MYG1: variants seen among roughly 807,000 people sequenced by gnomAD.
The protein encoded by MYG1 is MYG1 exonuclease.
MYG1 carries 36 observed loss-of-function variants against 43.5 expected under a neutral mutation model. The observed-to-expected ratio is 0.83, with a 90% confidence interval of 0.63 to 1.09. The LOEUF (loss-of-function observed/expected upper bound fraction) is 1.09, where lower values mean the gene tolerates loss of function less well. Ranked by LOEUF, MYG1 falls within the 50% of genes least tolerant of loss-of-function variation. The probability of loss-of-function intolerance (pLI) is 0.00; values close to 1 mark genes in which losing one functional copy is unlikely to be tolerated. For missense variants in MYG1, 529 were observed against 495.1 expected, an observed-to-expected ratio of 1.07 and a Z score of -0.65; for synonymous variants, 220 against 202.8, an observed-to-expected ratio of 1.08 and a Z score of -0.72.
At position 53,307,164 on chromosome 12, in the gene MYG1, C is replaced by T; in HGVS notation, c.*15C>T. On this transcript the variant is annotated 3_prime_UTR_variant, in exon 7 of 7. Coordinates refer to ENST00000267103, the MANE Select transcript of MYG1 (RefSeq NM_021640.4). ...AAATCTCCTAGTCTAATAAAACCTT[C>T]CATCTCATACTGACCCAGTCCTTGA... 3 of 1,592,996 alleles carry T rather than the reference C, an allele frequency of 1.9e-6. No individual in the cohort carries two copies. The highest frequency in any genetic ancestry group is 2.6e-6 in the Non-Finnish European group (3 of 1,169,232).
chr12:53,299,821 A>G lies in MYG1; in HGVS notation c.84A>G (p.Pro28=). The G allele has an allele frequency of 6.2e-7, 1 of 1,614,164 alleles. No individual in the cohort carries two copies. ...PLYTRHRMLG[P]ESVPPPKRSR... is the part of the protein sequence containing the mutation. ...ATACCCGGCACCGCATGCTCGGTCC[A>G]GAGTCCGTCCCGCCCCCAAAACGAT... The change falls in exon 1 of 7, where the codon CCA becomes CCG. Residue 28 remains proline, a synonymous_variant. Transcript: ENST00000267103.
chr12:53,305,824 T>C, intron 3 of MYG1, 84 bp from the exon 4 acceptor site: 2 of 1,473,642 alleles, frequency 1.4e-6, no homozygotes, highest in Non-Finnish European at 9.1e-7. Context: ...GCTGAAAGAG[T>C]GTGTATGAAC....
rs536692846 is a variant in MYG1 at position 53,303,294 on chromosome 12, T to C, written c.489+101T>C. ...TCAGCACTGGGCCTCGGGTCAGGGT[T>C]CCTGGCCTATAGCAGGCCCAACACT... On this transcript the variant is annotated intron_variant, in intron 3 of 6. Transcript: ENST00000267103. 3.7e-6 allele frequency: 5 copies of C among 1,346,684 alleles called. No homozygotes were observed. In the East Asian group the frequency reaches 1.2e-4, roughly 34 times the overall value. 83.4% of individuals were successfully genotyped at this position (1,346,684 alleles called of 1,614,324 possible).
At chr12:53,305,712 A>C in intron 3 of MYG1, 196 bp from the exon 4 acceptor site, 2 of 612,224 alleles carry the variant, frequency 3.3e-6, no homozygotes, top group Non-Finnish European at 2.7e-6. Context: ...AGGTGATCTG[A>C]ATTCCAGTCA....
chr12:53,300,818 C>T (rs1944223948), intron 2 of MYG1, among the ~76,000 whole-genome samples: 1 of 152,204 alleles, frequency 6.6e-6, no homozygotes, highest in East Asian at 1.9e-4. Flanking sequence ...ACATCCTCAG[C>T]TCCCTCCTAC....
chr12:53,303,995 C>T (rs1429297241), intron 3 of MYG1: 2 of 152,180 alleles, frequency 1.3e-5, no homozygotes, highest in Non-Finnish European at 2.9e-5. Flanking sequence ...AGGCGCCCAT[C>T]ACCATGCCCG....
chr12:53,303,384 G>A, intron 3 of MYG1, 191 bp downstream of exon 3: 1 of 602,548 alleles, frequency 1.7e-6, no homozygotes, highest in Non-Finnish European at 2.8e-6. Context: ...TCTACATCCT[G>A]GGGTGGTTGT....
chr12:53,305,682 A>G, intron 3 of MYG1: 1 of 497,384 alleles, frequency 2.0e-6, no homozygotes. Context: ...GTGCAGCAGA[A>G]TGAGCATGGA....
intron 1 of MYG1, 57 bp from the exon 2 acceptor site, chr12:53,300,093 C>A: frequency 1.3e-6 from 2 of 1,530,254 alleles, no homozygotes; most frequent in Non-Finnish European, 1.8e-6. Context: ...TGAAGTCCAG[C>A]ATTAATCCCC....
At position 53,306,882 on chromosome 12, in the gene MYG1, T is replaced by C. The variant is rs756016518; in HGVS notation, c.947+21T>C. 12 of 1,609,630 alleles carry C rather than the reference T, an allele frequency of 7.5e-6. No individual in the cohort carries two copies. In the East Asian group the frequency reaches 2.2e-4, roughly 30 times the overall value. On this transcript the variant is annotated intron_variant, in intron 6 of 6. Coordinates refer to ENST00000267103, the MANE Select transcript of MYG1 (RefSeq NM_021640.4). ...AGCCGGTGAGGCCCTAGGGAACCAC[T>C]CTGCAGACCTTCAGGCTTGTCTCAG... is the stretch of plus-strand genomic sequence containing the variant.
intron 3 of MYG1, 57 bp downstream of exon 3, chr12:53,303,250 A>AG (rs1257193738): frequency 1.3e-6 from 2 of 1,582,450 alleles, no homozygotes; most frequent in Non-Finnish European, 1.7e-6. Context: ...GCCGCCTGGG[A>AG]GCAGTGCTCA....
At chr12:53,304,861 G>GTTTTTT (rs71068106) in intron 3 of MYG1, among the ~76,000 whole-genome samples, 12 of 78,210 alleles carry the variant, frequency 1.5e-4, no homozygotes, top group African/African-American at 3.8e-4. Context: ...CTAAACCCAT[G>GTTTTTT]TTTTTTTTTT....
At chr12:53,304,888 A>G (rs1944260577) in intron 3 of MYG1, among the ~76,000 whole-genome samples, 1 of 64,044 alleles carries the variant, frequency 1.6e-5, no homozygotes, top group Non-Finnish European at 2.9e-5. Flanking sequence ...TTTTTTTTTG[A>G]GACGGAGTCT....
rs770496861 is a variant in MYG1 at position 53,307,029 on chromosome 12, C to A, written c.1011C>A (p.Ile337=). The change falls in exon 7 of 7, where the codon ATC becomes ATA. Residue 337 remains isoleucine (I), a synonymous_variant. Coordinates refer to ENST00000267103, the MANE Select transcript of MYG1 (RefSeq NM_021640.4). ...AGGCCCTGGACCAGGTCAGTGGGATCCCTGGCTGCATCTTCGTCCATGCAA... is the reference window on the plus strand; with the variant it reads ...AGGCCCTGGACCAGGTCAGTGGGATACCTGGCTGCATCTTCGTCCATGCAA... The part of the protein sequence containing the change: ...RDEALDQVSG[I]PGCIFVHASG... 1 of 1,614,254 alleles carries A rather than the reference C, an allele frequency of 6.2e-7. No individual in the cohort carries two copies. The highest frequency in any genetic ancestry group is 8.5e-7 in the Non-Finnish European group (1 of 1,180,040).
Position 53,303,156 on chromosome 12 carries a change from G to T in MYG1, c.452G>T (p.Ser151Ile), listed in dbSNP as rs938437099. 1.2e-6 allele frequency: 2 copies of T among 1,614,096 alleles called. No individual in the cohort carries two copies. The highest frequency in any genetic ancestry group is 2.7e-5 in the African/African-American group (2 of 74,944). Residue 151 changes from serine to isoleucine, a missense_variant, in exon 3 of 7, where the codon AGT becomes ATT. Ser to Ile is a moderately radical substitution (Grantham distance 142). Transcript: ENST00000267103. ...HKLLAQLLGT[S>I]EEDSMVGTLY... is the part of the protein sequence containing the mutation. ...CTGCTGGCCCAGTTGCTGGGCACTAGTGAAGAGGACAGCATGGTGGGCACC... is the reference window on the plus strand; with the variant it reads ...CTGCTGGCCCAGTTGCTGGGCACTATTGAAGAGGACAGCATGGTGGGCACC...
intron 5 of MYG1, 140 bp downstream of exon 5, chr12:53,306,460 C>A: frequency 2.3e-6 from 3 of 1,305,214 alleles, no homozygotes; most frequent in Non-Finnish European, 3.2e-6. Context: ...CCTCCCACCT[C>A]AGCCTCCTGA....
intron 3 of MYG1, 108 bp from the exon 4 acceptor site, chr12:53,305,781 CTCATCCAGTTAATGTTGAG>C: frequency 7.9e-7 from 1 of 1,263,522 alleles, no homozygotes; most frequent in Non-Finnish European, 1.1e-6. Context: ...TCTCCCTTTT[CTCATCCAGTTAATGTTGAG>C]AGATCCTCAC....
intron 3 of MYG1, 94 bp from the exon 4 acceptor site, chr12:53,305,814 G>A (rs925012959): frequency 1.4e-6 from 2 of 1,454,226 alleles, no homozygotes; most frequent in Non-Finnish European, 1.8e-6. Flanking sequence ...TCCTCACAGG[G>A]CTGAAAGAGT....
intron 2 of MYG1, among the ~76,000 whole-genome samples, chr12:53,302,138 T>C (rs1944237354): frequency 6.6e-6 from 1 of 152,184 alleles, no homozygotes. Context: ...TGTGCCACCA[T>C]GTCCGGCTAA....
Sources: gnomAD v4.1 joint callset for allele counts (sites outside exome capture counted in the v4.1 genomes callset) on GRCh38, gnomAD v4.1.1 for gene constraint, MANE v1.5 for transcripts, NCBI Gene and HGNC (gene_info 2026-07-23, HGNC 2026-07-21) for gene names.